Variants in KIAA1217 observed in about 807,000 individuals in gnomAD.
The protein encoded by KIAA1217 is KIAA1217.
In KIAA1217, 88 loss-of-function variants were observed where a neutral mutation model predicts 163.9. The ratio of observed to expected loss-of-function variants is 0.54; its 90% CI spans 0.45 to 0.64. The LOEUF (loss-of-function observed/expected upper bound fraction) is 0.64. Ranked by LOEUF, KIAA1217 falls within the 30% of genes least tolerant of loss-of-function variation. KIAA1217 has a pLI of 0.00. For synonymous variants in KIAA1217, 903 were observed against 923.1 expected (o/e 0.98, Z 0.39); for missense variants, 2,372 against 2,475.0 (o/e 0.96, Z 0.88).
chr10:24,227,867 G>T (rs1432594886), intron 2 of KIAA1217, among the ~76,000 whole-genome samples: 4 of 152,152 alleles, frequency 2.6e-5, no homozygotes, highest in African/African-American at 9.7e-5. Context: ...GTGAGGCCAA[G>T]AGGTCATTCT....
At position 24,533,123 on chromosome 10, in the gene KIAA1217, A is replaced by G. The variant is rs2073373870; in HGVS notation, c.3300A>G (p.Pro1100=). ...PSPQTRATKY[P]AEEPASAWTP... ...CACAGACCAGAGCTACAAAATATCCAGCAGAGGAGCCTGCTTCAGCCTGGA... is the reference window on the plus strand; with the variant it reads ...CACAGACCAGAGCTACAAAATATCCGGCAGAGGAGCCTGCTTCAGCCTGGA... Residue 1100 remains proline (P), a synonymous_variant, in exon 16 of 21, where the codon CCA becomes CCG. Coordinates refer to ENST00000376454, the MANE Select transcript of KIAA1217 (RefSeq NM_019590.5). 6.2e-7 allele frequency: 1 copy of G among 1,613,858 alleles called. No homozygotes were observed. Among genetic ancestry groups the G allele is most frequent in the African/African-American group, 1.3e-5 (1 of 74,908 alleles).
chr10:24,545,315 G>A, intron 20 of KIAA1217: 1 of 1,403,608 alleles, frequency 7.1e-7, no homozygotes. Context: ...TTTACTTTGT[G>A]ACTCCAAACT....
At chr10:24,224,062 T>C (rs556382923) in intron 2 of KIAA1217, among the ~76,000 whole-genome samples, 1 of 152,200 alleles carries the variant, frequency 6.6e-6, no homozygotes, top group Non-Finnish European at 1.5e-5. Context: ...CTAAAATTAT[T>C]GAAAGGCTAA....
intron 2 of KIAA1217, among the ~76,000 whole-genome samples, chr10:24,370,030 C>A (rs1306916270): frequency 6.6e-6 from 1 of 152,152 alleles, no homozygotes; most frequent in Non-Finnish European, 1.5e-5. Context: ...CTTTGGGAGG[C>A]CGAGGCAGGT....
chr10:24,329,071 A>G (rs2045322637), intron 2 of KIAA1217, among the ~76,000 whole-genome samples: 1 of 148,192 alleles, frequency 6.7e-6, no homozygotes, highest in Non-Finnish European at 1.5e-5. Flanking sequence ...AATATATAGT[A>G]TATAAATAGT....
intron 1 of KIAA1217, among the ~76,000 whole-genome samples, chr10:23,718,811 C>T (rs750832876): frequency 7.5e-6 from 1 of 132,700 alleles, no homozygotes; most frequent in African/African-American, 2.8e-5. Flanking sequence ...TATTTGGGGC[C>T]ATACAACTTG....
intron 2 of KIAA1217, among the ~76,000 whole-genome samples, chr10:24,085,580 G>T (rs1000581599): frequency 6.6e-6 from 1 of 151,988 alleles, no homozygotes; most frequent in Admixed American, 6.6e-5. Flanking sequence ...TGGTGCCCAG[G>T]AATAGCCTGG....
chr10:24,382,706 A>C (rs1424532598), intron 3 of KIAA1217, among the ~76,000 whole-genome samples: 2 of 152,052 alleles, frequency 1.3e-5, no homozygotes. Flanking sequence ...TTACAAATGA[A>C]GGGACAAGGA....
At chr10:23,856,038 G>A (rs1839640893) in intron 1 of KIAA1217, among the ~76,000 whole-genome samples, 1 of 152,212 alleles carries the variant, frequency 6.6e-6, no homozygotes. Flanking sequence ...GTCCAGCTTT[G>A]TTCTGTTGCT....
intron 1 of KIAA1217, among the ~76,000 whole-genome samples, chr10:23,769,419 C>A (rs1378050120): frequency 6.6e-6 from 1 of 152,194 alleles, no homozygotes; most frequent in African/African-American, 2.4e-5. Context: ...CAGTCAGAAT[C>A]TTGTAGCCTC....
At chr10:24,084,417 C>T (rs546667066) in intron 2 of KIAA1217, among the ~76,000 whole-genome samples, 4 of 152,206 alleles carry the variant, frequency 2.6e-5, no homozygotes, top group African/African-American at 7.2e-5. Flanking sequence ...GAGAATGTGC[C>T]CTTCCTATGT....
chr10:23,940,994 T>G (rs548112719), intron 1 of KIAA1217, among the ~76,000 whole-genome samples: 1 of 152,228 alleles, frequency 6.6e-6, no homozygotes, highest in Non-Finnish European at 1.5e-5. Flanking sequence ...TGAACCTTCT[T>G]CCAAGTTTCT....
intron 1 of KIAA1217, among the ~76,000 whole-genome samples, chr10:23,979,376 G>A (rs1589174882): frequency 6.6e-6 from 1 of 152,082 alleles, no homozygotes. Flanking sequence ...TGCTCTAGGA[G>A]AATTTATATT....
chr10:23,969,196 G>A (rs996227567), intron 1 of KIAA1217, among the ~76,000 whole-genome samples: 3 of 152,078 alleles, frequency 2.0e-5, no homozygotes, highest in African/African-American at 7.2e-5. Flanking sequence ...CACTATGCCT[G>A]CCTAATTTTT....
At chr10:23,866,066 C>G (rs1290292712) in intron 1 of KIAA1217, among the ~76,000 whole-genome samples, 1 of 152,044 alleles carries the variant, frequency 6.6e-6, no homozygotes, top group Non-Finnish European at 1.5e-5. Context: ...CTTGGAGATT[C>G]CTTCTTCCAT....
At chr10:24,092,400 G>T (rs1212869828) in intron 2 of KIAA1217, among the ~76,000 whole-genome samples, 1 of 151,606 alleles carries the variant, frequency 6.6e-6, no homozygotes. Flanking sequence ...ATATAACCCA[G>T]CAATCCCACT....
intron 2 of KIAA1217, among the ~76,000 whole-genome samples, chr10:24,008,310 C>T (rs1215157992): frequency 3.9e-5 from 6 of 152,060 alleles, no homozygotes; most frequent in Admixed American, 6.6e-5. Context: ...GAAGGGCCTT[C>T]GACATCATGG....
chr10:23,760,007 G>A (rs11013702), intron 1 of KIAA1217, among the ~76,000 whole-genome samples: 13,293 of 152,132 alleles, frequency 0.087, 1,186 homozygotes, highest in African/African-American at 0.22. Context: ...ACCTAATGTC[G>A]TATATATACC....
At chr10:24,466,521 C>T (rs2062960484) in intron 5 of KIAA1217, 1 of 985,196 alleles carries the variant, frequency 1.0e-6, no homozygotes, top group Admixed American at 6.2e-5. Flanking sequence ...GGGAAGGTTA[C>T]TTTTTATCCA....
Sources: allele counts gnomAD v4.1 joint callset (sites outside exome capture counted in the v4.1 genomes callset), GRCh38; gene constraint gnomAD v4.1.1; transcripts MANE v1.5; gene names NCBI Gene and HGNC (gene_info 2026-07-23, HGNC 2026-07-21).